FA2H: variants seen among roughly 807,000 people sequenced by gnomAD.
FA2H encodes fatty acid alpha-hydroxylase.
Under a neutral mutation model 44.9 loss-of-function variants are expected in FA2H, and 22 were observed. That is an observed-to-expected ratio of 0.49 (90% confidence interval 0.35 to 0.70). The LOEUF is 0.70. FA2H is among the 30% of genes least tolerant of loss of function. The pLI is 0.01. For missense variants in FA2H, 501 were observed against 504.9 expected, an observed-to-expected ratio of 0.99 and a Z score of 0.07; for synonymous variants, 243 against 213.2, an observed-to-expected ratio of 1.14 and a Z score of -1.22.
In FA2H at chr16:74,714,173, G is replaced by A. The variant is rs749762904; in HGVS notation, c.*17C>T. ...GCCAGGGCCGGGCTGAGGGCAGGAC[G>A]GAGGGGGTGGGAGTTGTCACTGCGT... On this transcript the variant is annotated 3_prime_UTR_variant, in exon 7 of 7. Coordinates refer to ENST00000219368, the MANE Select transcript of FA2H (RefSeq NM_024306.5). The A allele has an allele frequency of 1.1e-5, 17 of 1,527,306 alleles. No individual in the cohort carries two copies. The highest frequency in any genetic ancestry group is 9.6e-5 in the South Asian group (8 of 83,672). The allele number at this position is 1,527,306 out of a possible 1,614,324, so 94.6% of individuals were successfully genotyped here. A position where few individuals can be genotyped will look rare whatever the true frequency, so the allele number is the denominator to read the frequency against.
chr16:74,718,973 C>T lies in FA2H; in HGVS notation c.786+15G>A, dbSNP rs1402694450. ...TGCACATGCTAGGTCCGGGCTGGGA[C>T]CCCGCCCCGCTCACCTTGTGGTGCT... On this transcript the variant is annotated intron_variant, in intron 5 of 6. Coordinates refer to ENST00000219368, the MANE Select transcript of FA2H (RefSeq NM_024306.5). The T allele has an allele frequency of 6.2e-7, 1 of 1,612,890 alleles. No homozygotes were observed. Among genetic ancestry groups the T allele is most frequent in the Non-Finnish European group, 8.5e-7 (1 of 1,179,984 alleles).
At chr16:74,740,507 C>T (rs927902902) in intron 1 of FA2H, among the ~76,000 whole-genome samples, 2 of 151,510 alleles carry the variant, frequency 1.3e-5, no homozygotes, top group Non-Finnish European at 2.9e-5. Context: ...GTAATCCCAG[C>T]TACTCAGGAG....
At chr16:74,772,880 C>T (rs1401864117) in intron 1 of FA2H, among the ~76,000 whole-genome samples, 3 of 152,048 alleles carry the variant, frequency 2.0e-5, no homozygotes, top group Non-Finnish European at 2.9e-5. Context: ...ATGTAGGCAT[C>T]TTATTATCTT....
intron 1 of FA2H, among the ~76,000 whole-genome samples, chr16:74,754,404 A>G (rs545012868): frequency 6.6e-6 from 1 of 152,070 alleles, no homozygotes; most frequent in African/African-American, 2.4e-5. Context: ...TCAAGAACAA[A>G]AAACAAAAAA....
At chr16:74,767,958 C>T (rs986196524) in intron 1 of FA2H, among the ~76,000 whole-genome samples, 12 of 152,124 alleles carry the variant, frequency 7.9e-5, no homozygotes, top group Non-Finnish European at 1.6e-4. Context: ...GAGCACTGAC[C>T]ACCGGGTGGA....
chr16:74,757,255 A>C (rs1962628320), intron 1 of FA2H, among the ~76,000 whole-genome samples: 1 of 152,106 alleles, frequency 6.6e-6, no homozygotes, highest in Admixed American at 6.6e-5. Flanking sequence ...AAGACTCAGA[A>C]CCTCCCTTAT....
rs56341013 is a variant in FA2H, at chr16:74,720,180, CTTTTTTTTTTTTTTTT to C, written c.614-1036_614-1021del. On this transcript the variant is annotated intron_variant, in intron 4 of 6. Coordinates refer to ENST00000219368, the MANE Select transcript of FA2H (RefSeq NM_024306.5). ...TTTGCTCCATATATTCATCCTCATC[CTTTTTTTTTTTTTTTT>C]TTTTTTTTTTTTTTTGTGAGATAGA... 4.0e-4 allele frequency among the ~76,000 whole-genome samples: 19 copies of C among 47,246 alleles called. No homozygotes were observed. The South Asian group carries it at 0.013, about 32-fold the overall frequency. 31.0% of individuals were successfully genotyped at this position (47,246 alleles called of 152,430 possible). A position where few individuals can be genotyped will look rare whatever the true frequency, so the allele number is the denominator to read the frequency against.
chr16:74,758,225 A>G (rs1227910608), intron 1 of FA2H, among the ~76,000 whole-genome samples: 1 of 149,906 alleles, frequency 6.7e-6, no homozygotes, highest in African/African-American at 2.5e-5. Flanking sequence ...GGTTCAAGCA[A>G]TTCTCCTGCC....
At chr16:74,733,010 C>A (rs561018993) in intron 2 of FA2H, among the ~76,000 whole-genome samples, 2 of 152,330 alleles carry the variant, frequency 1.3e-5, no homozygotes, top group African/African-American at 2.4e-5. Flanking sequence ...AGCACTGCCA[C>A]CTGTACACAT....
At chr16:74,722,451 A>G (rs1471255313) in intron 4 of FA2H, among the ~76,000 whole-genome samples, 1 of 151,994 alleles carries the variant, frequency 6.6e-6, no homozygotes, top group Non-Finnish European at 1.5e-5. Context: ...CAGGGGGATC[A>G]CTTGAGCCCA....
intron 1 of FA2H, among the ~76,000 whole-genome samples, chr16:74,749,689 G>GA (rs1163179759): frequency 2.0e-5 from 3 of 152,128 alleles, no homozygotes; most frequent in Non-Finnish European, 4.4e-5. Context: ...CCAGTGGTTT[G>GA]AAAAAATGAA....
At chr16:74,773,225 A>C (rs1033664177) in intron 1 of FA2H, among the ~76,000 whole-genome samples, 2 of 152,144 alleles carry the variant, frequency 1.3e-5, no homozygotes, top group Non-Finnish European at 2.9e-5. Context: ...CAGTACTATA[A>C]GATGTTTTGA....
At chr16:74,760,274 CATT>C (rs1264710725) in intron 1 of FA2H, among the ~76,000 whole-genome samples, 2 of 152,174 alleles carry the variant, frequency 1.3e-5, no homozygotes, top group Non-Finnish European at 2.9e-5. Context: ...AGCCACAAAT[CATT>C]ATTATTTCAG....
intron 1 of FA2H, among the ~76,000 whole-genome samples, chr16:74,766,858 G>C (rs1301918738): frequency 6.6e-6 from 1 of 152,192 alleles, no homozygotes; most frequent in Non-Finnish European, 1.5e-5. Flanking sequence ...ATATAAACAT[G>C]AGGGATTCAC....
intron 2 of FA2H, among the ~76,000 whole-genome samples, chr16:74,739,015 TG>T (rs1567641932): frequency 6.6e-6 from 1 of 152,180 alleles, no homozygotes; most frequent in African/African-American, 2.4e-5. Context: ...ATGCGACAGG[TG>T]GGATCTCTGT....
At chr16:74,768,630 G>A (rs1469369119) in intron 1 of FA2H, among the ~76,000 whole-genome samples, 5 of 152,162 alleles carry the variant, frequency 3.3e-5, no homozygotes, top group East Asian at 1.9e-4. Context: ...TTATCAGACC[G>A]GCTTTCCAAG....
intron 1 of FA2H, among the ~76,000 whole-genome samples, chr16:74,741,804 ATATATGTG>A (rs1338979080): frequency 1.7e-5 from 1 of 57,842 alleles, no homozygotes; most frequent in African/African-American, 7.3e-5. Context: ...ATATATATAT[ATATATGTG>A]TGTGTGTGTG....
chr16:74,769,121 T>C (rs1204628810), intron 1 of FA2H, among the ~76,000 whole-genome samples: 1 of 151,878 alleles, frequency 6.6e-6, no homozygotes, highest in African/African-American at 2.4e-5. Context: ...TGAGACGGGG[T>C]CTCCTCTGTC....
intron 2 of FA2H, among the ~76,000 whole-genome samples, chr16:74,734,504 C>T (rs1046171654): frequency 1.3e-5 from 2 of 152,206 alleles, no homozygotes; most frequent in Admixed American, 6.5e-5. Context: ...GTGTGGGGTC[C>T]ATGCCCCTCC....
Sources: gnomAD v4.1 joint callset for allele counts (sites outside exome capture counted in the v4.1 genomes callset) on GRCh38, gnomAD v4.1.1 for gene constraint, MANE v1.5 for transcripts, NCBI Gene and HGNC (gene_info 2026-07-23, HGNC 2026-07-21) for gene names.